Variants in ABCC9 observed in about 807,000 individuals in gnomAD.
ABCC9 encodes ATP binding cassette subfamily C member 9, also known as ATP-binding cassette sub-family C member 9.
Under a neutral mutation model 188.3 loss-of-function variants are expected in ABCC9, and 95 were observed. The ratio of observed to expected loss-of-function variants is 0.50; its 90% CI spans 0.43 to 0.60. The LOEUF (loss-of-function observed/expected upper bound fraction) is 0.60. Among genes scored for constraint, ABCC9 ranks in the 20% least tolerant of loss-of-function variants. The probability of loss-of-function intolerance (pLI) is 0.00; values close to 1 mark genes in which losing one functional copy is unlikely to be tolerated. For missense variants in ABCC9, 1,102 were observed against 1,876.3 expected (o/e 0.59, Z 7.62); for synonymous variants, 659 against 652.7 (o/e 1.01, Z -0.15).
chr12:21,888,629 ACAC>A (rs1946996079), intron 14 of ABCC9, among the ~76,000 whole-genome samples: 1 of 151,994 alleles, frequency 6.6e-6, no homozygotes, highest in African/African-American at 2.4e-5. Context: ...CACTTTATAA[ACAC>A]CATTTGAGAG....
chr12:21,828,291 A>G (rs1283811), intron 31 of ABCC9: 40,082 of 154,274 alleles, frequency 0.26, 5,591 homozygotes, highest in Middle Eastern at 0.35. Context: ...GGGCAGGTAC[A>G]ATTCATTATT....
intron 31 of ABCC9, among the ~76,000 whole-genome samples, chr12:21,822,417 T>G (rs560886983): frequency 6.6e-6 from 1 of 152,244 alleles, no homozygotes; most frequent in African/African-American, 2.4e-5. Context: ...ACTACACTTT[T>G]CAAAAAATAT....
chr12:21,912,737 C>T, intron 8 of ABCC9, 135 bp downstream of exon 8: 1 of 855,964 alleles, frequency 1.2e-6, no homozygotes. Flanking sequence ...TTACTGTTTT[C>T]TTTCTTTTAG....
At chr12:21,847,941 A>G (rs1001602455) in intron 25 of ABCC9, among the ~76,000 whole-genome samples, 3 of 152,170 alleles carry the variant, frequency 2.0e-5, no homozygotes, top group African/African-American at 7.2e-5. Context: ...CTGTAGTAAG[A>G]CATATTCTGT....
In ABCC9 at chr12:21,917,029, C is replaced by T; in HGVS notation, c.481G>A (p.Asp161Asn). Residue 161 changes from aspartate to asparagine, a missense_variant, in exon 6 of 40, where the codon GAC (aspartate) becomes AAC (asparagine). This residue lies in a region of ABCC9 where 305 missense variants were observed against 573.0 expected (regional missense o/e 0.53). Transcript: ENST00000261200. Reference sequence around the variant, plus strand: ...ATGCAGAAACGCAGGTTTGATATGTCCAAGCCAGACTGACAGTACTTAACC... The same window carrying T: ...ATGCAGAAACGCAGGTTTGATATGTTCAAGCCAGACTGACAGTACTTAACC... ...KLVKYCQSGL[D>N]ISNLRFCITG... is the part of the protein sequence containing the mutation. 2 of 1,613,832 alleles carry T rather than the reference C, an allele frequency of 1.2e-6. No homozygotes were observed. The highest frequency in any genetic ancestry group is 3.3e-4 in the Middle Eastern group (2 of 6,060).
chr12:21,823,379 T>TC (rs1943167696), intron 31 of ABCC9, among the ~76,000 whole-genome samples: 1 of 152,212 alleles, frequency 6.6e-6, no homozygotes, highest in East Asian at 1.9e-4. Flanking sequence ...GTGATCCCTC[T>TC]CCTTCATATA....
intron 18 of ABCC9, among the ~76,000 whole-genome samples, chr12:21,870,292 T>A (rs1161577665): frequency 6.6e-6 from 1 of 152,060 alleles, no homozygotes; most frequent in Non-Finnish European, 1.5e-5. Flanking sequence ...GGTCTCACTC[T>A]GTCGCCCAGG....
At chr12:21,867,429 A>G (rs1236335497) in intron 18 of ABCC9, among the ~76,000 whole-genome samples, 3 of 152,334 alleles carry the variant, frequency 2.0e-5, no homozygotes, top group East Asian at 1.9e-4. Context: ...TCACTTCTGA[A>G]AACCTCTCCA....
intron 31 of ABCC9, among the ~76,000 whole-genome samples, chr12:21,822,244 A>T (rs1943080481): frequency 6.6e-6 from 1 of 151,846 alleles, no homozygotes; most frequent in Non-Finnish European, 1.5e-5. Flanking sequence ...AAAGTCATTC[A>T]GGCTGTCTTT....
intron 34 of ABCC9, among the ~76,000 whole-genome samples, chr12:21,815,176 C>A (rs1289567222): frequency 5.3e-5 from 8 of 151,962 alleles, no homozygotes; most frequent in Non-Finnish European, 1.0e-4. Flanking sequence ...GAACAAGACC[C>A]TGTCTCAAAA....
At chr12:21,894,879 G>A (rs1437218927) in intron 13 of ABCC9, among the ~76,000 whole-genome samples, 1 of 152,188 alleles carries the variant, frequency 6.6e-6, no homozygotes, top group East Asian at 1.9e-4. Flanking sequence ...GCTCCATCTT[G>A]TTGTAAGAGT....
intron 39 of ABCC9, among the ~76,000 whole-genome samples, chr12:21,801,539 C>A (rs916433887): frequency 6.6e-6 from 1 of 152,144 alleles, no homozygotes; most frequent in African/African-American, 2.4e-5. Context: ...TTAATGTCAA[C>A]AATAATTATC....
intron 16 of ABCC9, among the ~76,000 whole-genome samples, chr12:21,877,077 G>A (rs1378495533): frequency 6.6e-6 from 1 of 152,162 alleles, no homozygotes; most frequent in Admixed American, 6.5e-5. Flanking sequence ...TTGTAAATAT[G>A]GCTGATCATC....
At chr12:21,838,378 T>C (rs1944212237) in intron 29 of ABCC9, among the ~76,000 whole-genome samples, 1 of 152,214 alleles carries the variant, frequency 6.6e-6, no homozygotes, top group Admixed American at 6.5e-5. Flanking sequence ...AGGTAGAGGC[T>C]GAACATAATG....
At chr12:21,877,052 G>A (rs1394937570) in intron 16 of ABCC9, among the ~76,000 whole-genome samples, 4 of 152,262 alleles carry the variant, frequency 2.6e-5, no homozygotes, top group Admixed American at 1.3e-4. Context: ...GGCTGGATTC[G>A]AATTACTGAT....
chr12:21,882,619 C>G, intron 16 of ABCC9, 147 bp downstream of exon 16: 2 of 693,876 alleles, frequency 2.9e-6, no homozygotes, highest in Non-Finnish European at 4.7e-6. Context: ...AATTAAAACT[C>G]AGAATTTTTT....
In ABCC9 at chr12:21,882,270, C is replaced by A. The variant is rs1946664221; in HGVS notation, c.2019+496G>T. ...CCCTTTTATCCCCAACTCTCGGTTG[C>A]CTGTTCTGCCTTAACTTAAGCACAA... On this transcript the variant is annotated intron_variant, in intron 16 of 39. Coordinates refer to ENST00000261200, the MANE Select transcript of ABCC9 (RefSeq NM_020297.4). Among the ~76,000 whole-genome samples, 3 of 152,146 alleles carry A rather than the reference C, an allele frequency of 2.0e-5. No homozygotes were observed. The South Asian group carries it at 6.2e-4, about 32-fold the overall frequency.
chr12:21,822,374 T>A lies in ABCC9; in HGVS notation c.3670-4123A>T, dbSNP rs564647875. ...AGAGACTACTGATCAGAATTTTATC[T>A]TGATTTGCATAAGGGATGAAGCTCC... On this transcript the variant is annotated intron_variant, in intron 31 of 39. Transcript: ENST00000261200. 5.3e-5 allele frequency among the ~76,000 whole-genome samples: 8 copies of A among 152,196 alleles called. No individual in the cohort carries two copies. In the South Asian group the frequency reaches 1.5e-3, roughly 28 times the overall value.
chr12:21,889,130 T>G (rs954251823), intron 14 of ABCC9, among the ~76,000 whole-genome samples: 1 of 152,204 alleles, frequency 6.6e-6, no homozygotes, highest in Non-Finnish European at 1.5e-5. Flanking sequence ...TTGCCCATGA[T>G]CTTTAAGTGT....
Sources: allele counts gnomAD v4.1 joint callset (sites outside exome capture counted in the v4.1 genomes callset), GRCh38; gene constraint gnomAD v4.1.1; regional missense constraint gnomAD v4.1.1; transcripts MANE v1.5; gene names NCBI Gene and HGNC (gene_info 2026-07-23, HGNC 2026-07-21).